The following AACS variants were observed in gnomAD, a reference collection of about 807,000 sequenced individuals.
AACS encodes acetoacetate-CoA ligase.
AACS carries 69 observed loss-of-function variants against 83.1 expected under a neutral mutation model. That is an observed-to-expected ratio of 0.83 (90% CI 0.68 to 1.01). AACS has a LOEUF of 1.01. Ranked by LOEUF, AACS falls within the 50% of genes least tolerant of loss-of-function variation. The pLI is 0.00. For missense variants in AACS, 866 were observed against 882.2 expected (o/e 0.98, Z 0.23); for synonymous variants, 333 against 343.4 (o/e 0.97, Z 0.33).
At chr12:125,091,108 A>G (rs1956475005) in intron 4 of AACS, 1 of 383,510 alleles carries the variant, frequency 2.6e-6, no homozygotes, top group African/African-American at 2.1e-5. Context: ...GTGCAAAGGC[A>G]GGAGGTGATT....
intron 3 of AACS, chr12:125,078,470 T>C: frequency 2.6e-6 from 1 of 382,172 alleles, no homozygotes; most frequent in South Asian, 1.9e-5. Context: ...GGCTCTCCCG[T>C]GCCCTTTGCA....
chr12:125,086,618 G>T (rs1956345129), intron 4 of AACS, among the ~76,000 whole-genome samples, 175 bp downstream of exon 4: 1 of 152,204 alleles, frequency 6.6e-6, no homozygotes, highest in South Asian at 2.1e-4. Context: ...ATTGCTGAAA[G>T]AATATGCTGC....
At chr12:125,102,394 C>T (rs1027970559) in intron 5 of AACS, 44 of 322,824 alleles carry the variant, frequency 1.4e-4, no homozygotes, top group African/African-American at 8.0e-4. Flanking sequence ...GACACAGGGA[C>T]CTGGTCATGC....
rs943672154 is a variant in AACS, at chr12:125,097,935, C to T, written c.571-4744C>T. On this transcript the variant is annotated intron_variant, in intron 5 of 17. Coordinates refer to ENST00000316519, the MANE Select transcript of AACS (RefSeq NM_023928.5). The surrounding 1 kb of genome is among the most constrained non-coding windows in gnomAD (Gnocchi z 4.3). ...GCGGTTCCTCGGTTCCTCTGTGACC[C>T]CGGCTAGGCACTGCCATCTCTCACG... Among the ~76,000 whole-genome samples the T allele has an allele frequency of 9.2e-5, 14 of 152,248 alleles. No individual in the cohort carries two copies. Among genetic ancestry groups the T allele is most frequent in the Admixed American group, 1.3e-4 (2 of 15,286 alleles).
intron 3 of AACS, among the ~76,000 whole-genome samples, chr12:125,081,053 C>T (rs944087822): frequency 1.3e-5 from 2 of 151,972 alleles, no homozygotes; most frequent in Non-Finnish European, 2.9e-5. Context: ...AGTGCAGTGT[C>T]GTGATCACAG....
intron 11 of AACS, 58 bp downstream of exon 11, chr12:125,124,827 A>C: frequency 5.0e-6 from 8 of 1,614,006 alleles, no homozygotes; most frequent in Non-Finnish European, 5.9e-6. Context: ...AATTAAATCC[A>C]TCCTATTTCC....
intron 14 of AACS, 43 bp from the exon 15 acceptor site, chr12:125,133,960 C>T (rs1266183898): frequency 6.2e-7 from 1 of 1,608,932 alleles, no homozygotes; most frequent in Non-Finnish European, 8.5e-7. Flanking sequence ...CTGTCATGGC[C>T]CCTTCTCCTC....
chr12:125,074,390 A>G (rs1276908249), intron 2 of AACS, among the ~76,000 whole-genome samples: 4 of 151,994 alleles, frequency 2.6e-5, no homozygotes, highest in Admixed American at 2.6e-4. Flanking sequence ...TGTCTTCAAA[A>G]AAATAAATTA....
chr12:125,130,128 A>G lies in AACS; in HGVS notation c.1549+668A>G, dbSNP rs373728947. ...AGCCTTCTGTTCCAGAGTTATTTAT[A>G]CTCAGTACTTGCTTTCTGCAGTCTC... On this transcript the variant is annotated intron_variant, in intron 14 of 17. Coordinates refer to ENST00000316519, the MANE Select transcript of AACS (RefSeq NM_023928.5). The surrounding 1 kb of genome is among the most constrained non-coding windows in gnomAD (Gnocchi z 4.9). Among the ~76,000 whole-genome samples, 5 of 152,176 alleles carry G rather than the reference A, an allele frequency of 3.3e-5. No individual in the cohort carries two copies. The highest frequency in any genetic ancestry group is 9.7e-5 in the African/African-American group (4 of 41,438).
chr12:125,081,440 A>C (rs1594583739), intron 3 of AACS, among the ~76,000 whole-genome samples: 1 of 152,192 alleles, frequency 6.6e-6, no homozygotes, highest in African/African-American at 2.4e-5. Flanking sequence ...CGGGGGCTTT[A>C]AGATCATTGT....
chr12:125,082,801 A>G (rs1956226516), intron 3 of AACS, among the ~76,000 whole-genome samples: 1 of 152,156 alleles, frequency 6.6e-6, no homozygotes, highest in African/African-American at 2.4e-5. Flanking sequence ...AGCCTGGGTG[A>G]CAGAGCGAGA....
intron 9 of AACS, among the ~76,000 whole-genome samples, chr12:125,117,070 T>C (rs1241675598): frequency 1.3e-5 from 2 of 152,000 alleles, no homozygotes; most frequent in African/African-American, 4.8e-5. Flanking sequence ...AGCCTCCAAG[T>C]AGCTGAGACC....
chr12:125,088,242 T>TC (rs1565930930), intron 4 of AACS, among the ~76,000 whole-genome samples: 1 of 151,358 alleles, frequency 6.6e-6, no homozygotes, highest in Non-Finnish European at 1.5e-5. Context: ...TTTTTTTTTT[T>TC]TCTTTTTGAG....
At chr12:125,124,582 A>C (rs1490863698) in intron 10 of AACS, 123 bp from the exon 11 acceptor site, 3 of 1,131,620 alleles carry the variant, frequency 2.7e-6, no homozygotes. Context: ...TATGAGTTCA[A>C]CCCAGAAAAC....
intron 5 of AACS, among the ~76,000 whole-genome samples, chr12:125,096,936 G>A (rs1956620939): frequency 6.6e-6 from 1 of 152,106 alleles, no homozygotes; most frequent in Admixed American, 6.5e-5. Context: ...GGATGCTTCT[G>A]TCCCAGTCTC....
At chr12:125,068,034 C>T (rs71458891) in intron 1 of AACS, among the ~76,000 whole-genome samples, 19,947 of 152,220 alleles carry the variant, frequency 0.13, 1,358 homozygotes, top group Middle Eastern at 0.24. Flanking sequence ...GTGGAGTAAA[C>T]ATGAGCAAGT....
chr12:125,121,341 A>G (rs12578446), intron 10 of AACS: 35,789 of 152,334 alleles, frequency 0.23, 5,413 homozygotes, highest in East Asian at 0.45. Flanking sequence ...CTGGAAACTG[A>G]ATGTTGTGTA....
Position 125,065,595 on chromosome 12 carries a change from A to C in AACS, c.11A>C (p.Glu4Ala). The part of the protein sequence containing the change: MSK[E>A]ERPGREEILE... The stretch of plus-strand genomic sequence containing the variant: ...CCGCCCGCCGCCGCCATGTCCAAGG[A>C]GGAGCGCCCCGGTCGGGAGGAGATC... Residue 4 changes from glutamate (E) to alanine (A), a missense_variant, in exon 1 of 18, where the codon GAG becomes GCG. Coordinates refer to ENST00000316519, the MANE Select transcript of AACS (RefSeq NM_023928.5). 3 of 1,511,776 alleles carry C rather than the reference A, an allele frequency of 2.0e-6. No individual in the cohort carries two copies. The highest frequency in any genetic ancestry group is 2.7e-6 in the Non-Finnish European group (3 of 1,127,508). The allele number at this position is 1,511,776 out of a possible 1,614,324, so 93.6% of individuals were successfully genotyped here.
At position 125,065,579 on chromosome 12, in the gene AACS, G is replaced by T. The variant is rs965993649; in HGVS notation, c.-6G>T. ...CTCGTCGCAGCCCCGGCCGCCCGCC[G>T]CCGCCATGTCCAAGGAGGAGCGCCC... On this transcript the variant is annotated 5_prime_UTR_variant, in exon 1 of 18. Coordinates refer to ENST00000316519, the MANE Select transcript of AACS (RefSeq NM_023928.5). The T allele has an allele frequency of 1.9e-5, 28 of 1,451,256 alleles. No homozygotes were observed. The highest frequency in any genetic ancestry group is 2.6e-5 in the Non-Finnish European group (28 of 1,094,156). The allele number at this position is 1,451,256 out of a possible 1,614,324, so 89.9% of individuals were successfully genotyped here.
Sources: gnomAD v4.1 joint callset for allele counts (sites outside exome capture counted in the v4.1 genomes callset) on GRCh38, gnomAD v4.1.1 for gene constraint, Gnocchi (gnomAD v3.1) non-coding constraint, MANE v1.5 for transcripts, NCBI Gene and HGNC (gene_info 2026-07-23, HGNC 2026-07-21) for gene names.